The following LRTM1 variants were observed in gnomAD, a reference collection of about 807,000 sequenced individuals.
The protein encoded by LRTM1 is leucine rich repeat transmembrane protein 1.
In LRTM1, 38 loss-of-function variants were observed where a neutral mutation model predicts 32.4. The ratio of observed to expected loss-of-function variants is 1.17; its 90% CI spans 0.91 to 1.54. The LOEUF (loss-of-function observed/expected upper bound fraction) is 1.54, where lower values mean the gene tolerates loss of function less well. Among genes scored for constraint, LRTM1 ranks in the 40% most tolerant of loss-of-function variants. LRTM1 has a pLI of 0.00. For synonymous variants in LRTM1, 186 were observed against 169.9 expected (o/e 1.09, Z -0.74); for missense variants, 466 against 415.4 (o/e 1.12, Z -1.06).
At chr3:54,934,958 G>A (rs773403791) in intron 1 of LRTM1, among the ~76,000 whole-genome samples, 1 of 152,074 alleles carries the variant, frequency 6.6e-6, no homozygotes, top group Non-Finnish European at 1.5e-5. Context: ...GGCTGGTCTC[G>A]AACTCCTGAC....
chr3:54,957,166 C>CTTT (rs57778359), intron 1 of LRTM1, among the ~76,000 whole-genome samples: 1 of 148,744 alleles, frequency 6.7e-6, no homozygotes, highest in African/African-American at 2.5e-5. Context: ...AAATAATTTT[C>CTTT]TTTTTTTTTT....
At chr3:54,929,036 C>G (rs112524368), upstream of LRTM1, among the ~76,000 whole-genome samples, 4 of 152,134 alleles carry the variant, frequency 2.6e-5, no homozygotes, top group South Asian at 8.3e-4. Flanking sequence ...ACTGTGTGTA[C>G]GCTTTTATGG....
intron 1 of LRTM1, among the ~76,000 whole-genome samples, chr3:54,939,741 A>G (rs974925832): frequency 1.2e-4 from 18 of 152,234 alleles, no homozygotes; most frequent in Admixed American, 1.2e-3. Flanking sequence ...ATTGCTGGGC[A>G]GGAAGGAGGG....
upstream of LRTM1, among the ~76,000 whole-genome samples, chr3:54,930,496 A>G (rs1701159071): frequency 6.6e-6 from 1 of 152,218 alleles, no homozygotes; most frequent in South Asian, 2.1e-4. Context: ...CCCAGCTGGG[A>G]TCCAGATATC....
rs962364794 is a variant in LRTM1 at position 54,966,314 on chromosome 3, G to T, written c.-222+614C>A. Among the ~76,000 whole-genome samples, 3 of 152,166 alleles carry T rather than the reference G, an allele frequency of 2.0e-5. No homozygotes were observed. The East Asian group carries it at 5.8e-4, about 29-fold the overall frequency. On this transcript the variant is annotated intron_variant, in intron 1 of 2. Coordinates refer to the LRTM1 transcript ENST00000493075. ...ACCCTGGCCTGTCAGGCATTTGGAAGATGAGATTTATTTGAAATGCAGTCA... is the reference window on the plus strand; with the variant it reads ...ACCCTGGCCTGTCAGGCATTTGGAATATGAGATTTATTTGAAATGCAGTCA...
At chr3:54,939,042 A>G (rs1198607231) in intron 1 of LRTM1, among the ~76,000 whole-genome samples, 1 of 152,196 alleles carries the variant, frequency 6.6e-6, no homozygotes, top group African/African-American at 2.4e-5. Context: ...CTACCTCTCC[A>G]TTTGGGATAA....
chr3:54,958,044 G>A lies in LRTM1; in HGVS notation c.-222+8884C>T, dbSNP rs530995724. Among the ~76,000 whole-genome samples, 4 of 152,308 alleles carry A rather than the reference G, an allele frequency of 2.6e-5. No homozygotes were observed. In the South Asian group the frequency reaches 8.3e-4, roughly 32 times the overall value. The stretch of plus-strand genomic sequence containing the variant: ...CACATTGCATTCAACCACCCCGTGT[G>A]TGTTCACAAGTGCCTGCCTGTGCTG... On this transcript the variant is annotated intron_variant, in intron 1 of 2. Transcript: ENST00000493075.
intron 1 of LRTM1, among the ~76,000 whole-genome samples, chr3:54,941,643 C>G (rs1181939561): frequency 6.6e-6 from 1 of 152,200 alleles, no homozygotes; most frequent in African/African-American, 2.4e-5. Flanking sequence ...CAACCCATAA[C>G]ATTTAATGGT....
At chr3:54,956,683 A>C (rs974336175) in intron 1 of LRTM1, among the ~76,000 whole-genome samples, 1 of 152,136 alleles carries the variant, frequency 6.6e-6, no homozygotes, top group African/African-American at 2.4e-5. Flanking sequence ...TTGTTCTCAG[A>C]GTAATCTTAA....
intron 1 of LRTM1, among the ~76,000 whole-genome samples, chr3:54,963,097 C>T (rs1202599811): frequency 2.0e-5 from 3 of 152,098 alleles, no homozygotes; most frequent in African/African-American, 7.2e-5. Flanking sequence ...TTTGTAGTCT[C>T]AAGTTTTATA....
chr3:54,948,519 G>T (rs1236663226), intron 1 of LRTM1, among the ~76,000 whole-genome samples: 1 of 151,284 alleles, frequency 6.6e-6, no homozygotes, highest in South Asian at 2.1e-4. Flanking sequence ...TCCTGCAGTG[G>T]TTTCACCATG....
intron 1 of LRTM1, among the ~76,000 whole-genome samples, chr3:54,950,354 A>C (rs1257183768): frequency 2.0e-5 from 3 of 152,162 alleles, no homozygotes; most frequent in Non-Finnish European, 2.9e-5. Context: ...GCCCCTTTTA[A>C]TCTGCTGAGG....
At chr3:54,932,762 C>G (rs961829145), upstream of LRTM1, among the ~76,000 whole-genome samples, 1 of 152,212 alleles carries the variant, frequency 6.6e-6, no homozygotes, top group South Asian at 2.1e-4. Context: ...GCTCCTCCAT[C>G]CCTGTCAACA....
intron 1 of LRTM1, 74 bp downstream of exon 1, chr3:54,927,831 C>T (rs1701068319): frequency 6.7e-7 from 1 of 1,488,014 alleles, no homozygotes; most frequent in Non-Finnish European, 9.4e-7. Context: ...AGATTTCCCG[C>T]AGATACCTTT....
intron 1 of LRTM1, among the ~76,000 whole-genome samples, chr3:54,937,030 GT>G (rs1229396457): frequency 6.6e-6 from 1 of 152,134 alleles, no homozygotes; most frequent in Non-Finnish European, 1.5e-5. Context: ...AGGTGCTAAG[GT>G]GGTTAGATTT....
chr3:54,918,974 C>T, intron 2 of LRTM1, 82 bp from the exon 3 acceptor site: 1 of 1,174,044 alleles, frequency 8.5e-7, no homozygotes, highest in Non-Finnish European at 1.1e-6. Flanking sequence ...AAAACTTAGG[C>T]AGATGGAATT....
chr3:54,927,046 G>A (rs1701042733), intron 1 of LRTM1, among the ~76,000 whole-genome samples: 1 of 152,180 alleles, frequency 6.6e-6, no homozygotes, highest in Non-Finnish European at 1.5e-5. Flanking sequence ...GAATTCATGA[G>A]CCACACAGTA....
intron 2 of LRTM1, among the ~76,000 whole-genome samples, chr3:54,923,254 GTTGTC>G (rs1206857597): frequency 9.9e-5 from 15 of 152,260 alleles, no homozygotes; most frequent in African/African-American, 3.6e-4. Context: ...AAGTACTGGT[GTTGTC>G]TTGTCTGTGT....
chr3:54,962,855 G>A (rs1278271591), intron 1 of LRTM1, among the ~76,000 whole-genome samples: 1 of 152,194 alleles, frequency 6.6e-6, no homozygotes, highest in Non-Finnish European at 1.5e-5. Flanking sequence ...TTACAAACCA[G>A]ATCTGTGCCC....
Sources: gnomAD v4.1 joint callset for allele counts (sites outside exome capture counted in the v4.1 genomes callset) on GRCh38, gnomAD v4.1.1 for gene constraint, MANE v1.5 for transcripts, NCBI Gene and HGNC (gene_info 2026-07-23, HGNC 2026-07-21) for gene names.